Variants in INTS9 observed in about 807,000 individuals in gnomAD.
INTS9 encodes protein related to CPSF subunits of 74 kDa.
A neutral mutation model predicts 79.7 loss-of-function variants in INTS9; 55 were observed. That is an observed-to-expected ratio of 0.69 (90% CI 0.56 to 0.86). The LOEUF (loss-of-function observed/expected upper bound fraction) is 0.86, where lower values mean the gene tolerates loss of function less well. Among genes scored for constraint, INTS9 ranks in the 40% least tolerant of loss-of-function variants. The probability of loss-of-function intolerance (pLI) is 0.00; values close to 1 mark genes in which losing one functional copy is unlikely to be tolerated. For missense variants in INTS9, 721 were observed against 831.5 expected (o/e 0.87, Z 1.64); for synonymous variants, 319 against 325.2 (o/e 0.98, Z 0.20).
intron 1 of INTS9, 145 bp downstream of exon 1, chr8:28,889,729 A>G (rs1286020270): frequency 2.5e-6 from 2 of 816,162 alleles, no homozygotes; most frequent in Non-Finnish European, 3.9e-6. Context: ...AACAACAAAA[A>G]GCAGCTTTCC....
Position 28,793,779 on chromosome 8 carries a change from C to CACAA in INTS9, c.1037+27_1037+28insTTGT. On this transcript the variant is annotated intron_variant, in intron 10 of 16. Transcript: ENST00000521022. The stretch of plus-strand genomic sequence containing the variant: ...AATGTCCTGAATCAAATAAAATTCA[C>CACAA]AAAAAAAAAAAAAAACCACGGACAT... 6.7e-6 allele frequency: 8 copies of CACAA among 1,187,946 alleles called. No individual in the cohort carries two copies. In the African/African-American group the frequency reaches 9.9e-5, roughly 15 times the overall value. 73.6% of individuals were successfully genotyped at this position (1,187,946 alleles called of 1,614,324 possible). A position where few individuals can be genotyped will look rare whatever the true frequency, so the allele number is the denominator to read the frequency against.
chr8:28,809,157 C>A (rs1392050548), intron 8 of INTS9, among the ~76,000 whole-genome samples: 1 of 152,022 alleles, frequency 6.6e-6, no homozygotes, highest in Non-Finnish European at 1.5e-5. Context: ...TGGGATCTTG[C>A]CATGTTGCCC....
intron 6 of INTS9, among the ~76,000 whole-genome samples, chr8:28,823,674 C>T (rs1414893567): frequency 6.6e-6 from 1 of 152,116 alleles, no homozygotes; most frequent in Non-Finnish European, 1.5e-5. Flanking sequence ...TACTTACAAA[C>T]ATATTGAGGA....
chr8:28,821,483 C>T (rs572769429), intron 6 of INTS9, among the ~76,000 whole-genome samples: 9 of 152,290 alleles, frequency 5.9e-5, no homozygotes, highest in South Asian at 2.1e-4. Flanking sequence ...CTGGGAGATA[C>T]AATTCAAGTT....
intron 10 of INTS9, 98 bp downstream of exon 10, chr8:28,793,709 C>A: frequency 9.0e-7 from 1 of 1,116,964 alleles, no homozygotes; most frequent in Non-Finnish European, 1.2e-6. Context: ...GAAATTTCCA[C>A]AGTAATGTGA....
intron 6 of INTS9, among the ~76,000 whole-genome samples, chr8:28,831,557 C>G (rs1219797367): frequency 6.6e-6 from 1 of 152,134 alleles, no homozygotes; most frequent in Non-Finnish European, 1.5e-5. Context: ...TCATACTCTC[C>G]GTAATGTAGG....
At chr8:28,870,497 G>A (rs1237989754) in intron 1 of INTS9, among the ~76,000 whole-genome samples, 2 of 151,840 alleles carry the variant, frequency 1.3e-5, no homozygotes, top group Non-Finnish European at 2.9e-5. Flanking sequence ...TTAACGAAAT[G>A]GTAAAACTTG....
rs191966317 is a variant in INTS9, at chr8:28,797,924, C to G, written c.745-1269G>C. Reference sequence around the variant, plus strand: ...TGTGGTCTCCGAGTAGCTGTGCCTTCAGTATTTTCCTTTCACCTTCTATTA... The same window carrying G: ...TGTGGTCTCCGAGTAGCTGTGCCTTGAGTATTTTCCTTTCACCTTCTATTA... On this transcript the variant is annotated intron_variant, in intron 8 of 16. Coordinates refer to ENST00000521022, the MANE Select transcript of INTS9 (RefSeq NM_018250.4). 2.0e-3 allele frequency among the ~76,000 whole-genome samples: 311 copies of G among 152,330 alleles called. 1 individual carries two copies. The highest frequency in any genetic ancestry group is 7.1e-3 in the African/African-American group (297 of 41,566).
chr8:28,785,198 C>T (rs996115160), intron 11 of INTS9, among the ~76,000 whole-genome samples: 2 of 152,196 alleles, frequency 1.3e-5, no homozygotes, highest in Non-Finnish European at 2.9e-5. Context: ...CTGCATATGT[C>T]AAGTTTGTCC....
At chr8:28,888,585 C>G (rs1810310193) in intron 1 of INTS9, among the ~76,000 whole-genome samples, 2 of 152,144 alleles carry the variant, frequency 1.3e-5, no homozygotes, top group African/African-American at 4.8e-5. Flanking sequence ...GTTTACTTTT[C>G]TATCTTCTTC....
intron 1 of INTS9, among the ~76,000 whole-genome samples, chr8:28,861,318 T>A (rs979026395): frequency 3.3e-5 from 5 of 152,184 alleles, no homozygotes; most frequent in African/African-American, 1.2e-4. Context: ...TTTATCCCCA[T>A]CTAAGAACTA....
rs372578085 is a variant in INTS9 at position 28,778,595 on chromosome 8, G to C, written c.1271-642C>G. Among the ~76,000 whole-genome samples the C allele has an allele frequency of 4.6e-4, 70 of 152,274 alleles. No homozygotes were observed. The East Asian group carries it at 7.7e-3, about 17-fold the overall frequency. On this transcript the variant is annotated intron_variant, in intron 12 of 16. Transcript: ENST00000521022. The stretch of plus-strand genomic sequence containing the variant: ...CAGCAGCCCCAGCCCCTCAGACCGG[G>C]AAGAGTCCTCGCCCTCTGCTCAGCC...
intron 1 of INTS9, among the ~76,000 whole-genome samples, chr8:28,870,711 G>A (rs992199810): frequency 6.6e-6 from 1 of 152,182 alleles, no homozygotes; most frequent in African/African-American, 2.4e-5. Context: ...AGAAATACTA[G>A]GGAGTTGCTG....
intron 6 of INTS9, among the ~76,000 whole-genome samples, chr8:28,820,947 C>T (rs1461350622): frequency 1.3e-5 from 2 of 152,284 alleles, no homozygotes; most frequent in South Asian, 4.2e-4. Context: ...TATGTATGCT[C>T]TGTTCTCCAA....
At chr8:28,839,348 G>A (rs1035366473) in intron 4 of INTS9, among the ~76,000 whole-genome samples, 1 of 151,952 alleles carries the variant, frequency 6.6e-6, no homozygotes, top group East Asian at 1.9e-4. Flanking sequence ...TCAATATCAT[G>A]AAAATGGCCA....
At chr8:28,780,385 C>T (rs939159128) in intron 12 of INTS9, 1 of 985,100 alleles carries the variant, frequency 1.0e-6, no homozygotes, top group African/African-American at 1.7e-5. Flanking sequence ...TGTAAACACT[C>T]TACTTGACCT....
intron 11 of INTS9, chr8:28,783,717 T>G (rs1041599902): frequency 6.6e-6 from 1 of 152,168 alleles, no homozygotes; most frequent in Non-Finnish European, 1.5e-5. Flanking sequence ...GGAATATGAA[T>G]AGTAAAGCCG....
At chr8:28,834,341 T>TA (rs1173823440) in intron 6 of INTS9, among the ~76,000 whole-genome samples, 1 of 152,108 alleles carries the variant, frequency 6.6e-6, no homozygotes, top group Non-Finnish European at 1.5e-5. Context: ...AGCCTCCTTA[T>TA]AAACCTCCAC....
chr8:28,815,021 T>C (rs924133932), intron 6 of INTS9, among the ~76,000 whole-genome samples: 9 of 152,066 alleles, frequency 5.9e-5, no homozygotes, highest in African/African-American at 2.2e-4. Context: ...AGGACTACCA[T>C]AAATTTGAGA....
Sources: allele counts gnomAD v4.1 joint callset (sites outside exome capture counted in the v4.1 genomes callset), GRCh38; gene constraint gnomAD v4.1.1; transcripts MANE v1.5; gene names NCBI Gene and HGNC (gene_info 2026-07-23, HGNC 2026-07-21).